TTLL2: variants seen among roughly 807,000 people sequenced by gnomAD.
The protein encoded by TTLL2 is probable tubulin polyglutamylase TTLL2.
Under a neutral mutation model 7.5 loss-of-function variants are expected in TTLL2, and 10 were observed. The observed-to-expected ratio is 1.33, with a 90% CI of 0.82 to 2.25. The LOEUF (loss-of-function observed/expected upper bound fraction) is 2.25, where lower values mean the gene tolerates loss of function less well. Among genes scored for constraint, TTLL2 ranks in the 30% most tolerant of loss-of-function variants. The pLI, the probability that TTLL2 is intolerant of heterozygous loss-of-function variation, is 0.00. For synonymous variants in TTLL2, 284 were observed against 280.3 expected (o/e 1.01, Z -0.13); for missense variants, 733 against 735.7 (o/e 1.00, Z 0.04).
At chr6:167,332,357 C>T (rs1014429497) in intron 1 of TTLL2, among the ~76,000 whole-genome samples, 5 of 152,142 alleles carry the variant, frequency 3.3e-5, no homozygotes, top group Non-Finnish European at 5.9e-5. Flanking sequence ...TGTTTACCCT[C>T]CCGTTAGCTG....
chr6:167,340,378 G>T lies in TTLL2; in HGVS notation c.478G>T (p.Ala160Ser), dbSNP rs1470157650. Residue 160 changes from alanine (A) to serine (S), a missense_variant, in exon 3 of 3, where the codon GCC becomes TCC. Physicochemically the swap from Ala to Ser is moderately conservative, Grantham distance 99. Transcript: ENST00000239587. ...TTKLTRKDCL[A>S]KHLKHMRRMY... Reference sequence around the variant, plus strand: ...CAAGCTTACCAGGAAAGACTGTTTGGCCAAACACCTGAAGCACATGAGGAG... The same window carrying T: ...CAAGCTTACCAGGAAAGACTGTTTGTCCAAACACCTGAAGCACATGAGGAG... 7 of 1,614,038 alleles carry T rather than the reference G, an allele frequency of 4.3e-6. No individual in the cohort carries two copies. In the Admixed American group the frequency reaches 8.3e-5, roughly 19 times the overall value.
rs769573091 is a variant in TTLL2, at chr6:167,341,128, G to T, written c.1228G>T (p.Asp410Tyr). 1.2e-5 allele frequency: 20 copies of T among 1,613,820 alleles called. No homozygotes were observed. The highest frequency in any genetic ancestry group is 1.6e-5 in the Non-Finnish European group (19 of 1,179,892). Residue 410 changes from aspartate (D) to tyrosine (Y), a missense_variant, in exon 3 of 3, where the codon GAT becomes TAT. Transcript: ENST00000239587. ...DVLVKRKLVH[D>Y]IIDLIYLNGL... ...GTTGGTGAAGAGAAAACTTGTCCAT[G>T]ATATTATTGACCTGATTTACTTAAA... is the stretch of plus-strand genomic sequence containing the variant.
chr6:167,332,360 G>T (rs1222066311), intron 1 of TTLL2, among the ~76,000 whole-genome samples: 1 of 152,090 alleles, frequency 6.6e-6, no homozygotes, highest in African/African-American at 2.4e-5. Context: ...TTACCCTCCC[G>T]TTAGCTGACA....
chr6:167,341,874 TA>T lies in TTLL2; in HGVS notation c.*196del. On this transcript the variant is annotated 3_prime_UTR_variant, in exon 3 of 3. Transcript: ENST00000239587. ...CAATATGTTCAAGTGGTGATTAAACTACATTACATCCCATGTTTATTTGCTC... is the reference window on the plus strand; with the variant it reads ...CAATATGTTCAAGTGGTGATTAAACTCATTACATCCCATGTTTATTTGCTC... 1.7e-6 allele frequency: 1 copy of T among 600,902 alleles called. No individual in the cohort carries two copies. Among genetic ancestry groups the T allele is most frequent in the South Asian group, 2.4e-5 (1 of 41,490 alleles). 37.2% of individuals were successfully genotyped at this position (600,902 alleles called of 1,614,324 possible). A position where few individuals can be genotyped will look rare whatever the true frequency, so the allele number is the denominator to read the frequency against.
intron 1 of TTLL2, among the ~76,000 whole-genome samples, chr6:167,327,622 A>G (rs950882776): frequency 1.3e-5 from 2 of 152,196 alleles, no homozygotes; most frequent in Non-Finnish European, 2.9e-5. Context: ...CCAAGATGGC[A>G]TATAGGTTTT....
At chr6:167,330,254 T>G (rs60787474) in intron 1 of TTLL2, among the ~76,000 whole-genome samples, 13,304 of 152,182 alleles carry the variant, frequency 0.087, 1,551 homozygotes, top group African/African-American at 0.26. Flanking sequence ...TTTTTCAATG[T>G]TTGAAATAAA....
At position 167,340,157 on chromosome 6, in the gene TTLL2, C is replaced by T. The variant is rs1331266451; in HGVS notation, c.257C>T (p.Pro86Leu). The T allele has an allele frequency of 1.3e-5, 21 of 1,606,442 alleles. No individual in the cohort carries two copies. Among genetic ancestry groups the T allele is most frequent in the East Asian group, 1.1e-4 (5 of 44,870 alleles). Residue 86 changes from proline (P) to leucine (L), a missense_variant, in exon 3 of 3, where the codon CCG becomes CTG. Pro to Leu is a moderately conservative substitution (Grantham distance 98, BLOSUM62 -3). Coordinates refer to ENST00000239587, the MANE Select transcript of TTLL2 (RefSeq NM_031949.5). ...EDEPSGALLK[P>L]LVFRVDETTP... ...GAACCTTCAGGGGCCCTCTTGAAGC[C>T]GCTGGTTTTTCGCGTTGACGAGACC...
chr6:167,339,904 C>T (rs868409948), intron 2 of TTLL2, among the ~76,000 whole-genome samples: 2 of 152,016 alleles, frequency 1.3e-5, no homozygotes, highest in South Asian at 2.1e-4. Context: ...AAGGGGTTCC[C>T]AGGACAAGAT....
intron 1 of TTLL2, among the ~76,000 whole-genome samples, chr6:167,325,735 A>G (rs141819576): frequency 6.6e-6 from 1 of 152,204 alleles, no homozygotes; most frequent in African/African-American, 2.4e-5. Flanking sequence ...GTGAAGTGGT[A>G]TGGACCCCAC....
chr6:167,327,307 C>T (rs1418908993), intron 1 of TTLL2, among the ~76,000 whole-genome samples: 2 of 152,180 alleles, frequency 1.3e-5, no homozygotes, highest in Non-Finnish European at 2.9e-5. Context: ...GATGAGTTAT[C>T]ATCTTACATT....
intron 2 of TTLL2, among the ~76,000 whole-genome samples, chr6:167,339,713 TA>T (rs1779043831): frequency 2.0e-5 from 3 of 152,204 alleles, no homozygotes; most frequent in Admixed American, 1.3e-4. Flanking sequence ...TTCATTTAAC[TA>T]AATGAAAGTT....
intron 1 of TTLL2, chr6:167,328,486 G>A (rs138974936): frequency 4.7e-6 from 1 of 214,974 alleles, no homozygotes; most frequent in East Asian, 9.7e-5. Flanking sequence ...ATGCCCTGAT[G>A]ACATTGACTG....
Position 167,325,098 on chromosome 6 carries a change from A to G in TTLL2, c.-76A>G. On this transcript the variant is annotated 5_prime_UTR_variant, in exon 1 of 3. Transcript: ENST00000239587. Reference sequence around the variant, plus strand: ...ATCATCAGCAACCAGTGCTCCCTCCAGCCTCCGCGCATTTCAGCTGGCGCT... The same window carrying G: ...ATCATCAGCAACCAGTGCTCCCTCCGGCCTCCGCGCATTTCAGCTGGCGCT... 1 of 1,489,922 alleles carries G rather than the reference A, an allele frequency of 6.7e-7. No homozygotes were observed. Among genetic ancestry groups the G allele is most frequent in the Non-Finnish European group, 9.1e-7 (1 of 1,098,886 alleles). 92.3% of individuals were successfully genotyped at this position (1,489,922 alleles called of 1,614,324 possible).
At chr6:167,338,941 T>C in intron 2 of TTLL2, 138 bp downstream of exon 2, 1 of 851,396 alleles carries the variant, frequency 1.2e-6, no homozygotes, top group Non-Finnish European at 1.7e-6. Flanking sequence ...CTTCCTTCCC[T>C]TCCTCCTTCC....
Position 167,341,557 on chromosome 6 carries a change from G to C in TTLL2, c.1657G>C (p.Ala553Pro), listed in dbSNP as rs1375888921. The C allele has an allele frequency of 6.2e-7, 1 of 1,614,154 alleles. No homozygotes were observed. Among genetic ancestry groups the C allele is most frequent in the East Asian group, 2.2e-5 (1 of 44,874 alleles). The change falls in exon 3 of 3, where the codon GCA becomes CCA. Residue 553 changes from alanine (A) to proline (P), a missense_variant. Transcript: ENST00000239587. ...SDRGKAPDPQAGNFVLVFPFN... is the reference protein window; with the variant it reads ...SDRGKAPDPQPGNFVLVFPFN... Reference sequence around the variant, plus strand: ...CCGTGGCAAAGCTCCAGATCCCCAAGCAGGCAACTTTGTTCTTGTTTTTCC... The same window carrying C: ...CCGTGGCAAAGCTCCAGATCCCCAACCAGGCAACTTTGTTCTTGTTTTTCC...
chr6:167,337,636 C>T (rs555490210), intron 1 of TTLL2, among the ~76,000 whole-genome samples: 2 of 152,272 alleles, frequency 1.3e-5, no homozygotes, highest in South Asian at 4.1e-4. Flanking sequence ...GGCGACTGAG[C>T]TTCCACAAGA....
chr6:167,338,467 A>G (rs1354110663), intron 1 of TTLL2, among the ~76,000 whole-genome samples, 180 bp from the exon 2 acceptor site: 9 of 147,952 alleles, frequency 6.1e-5, no homozygotes, highest in African/African-American at 1.8e-4. Flanking sequence ...ACACACACAC[A>G]CACACACACA....
chr6:167,326,315 A>G (rs1778847672), intron 1 of TTLL2, among the ~76,000 whole-genome samples: 1 of 152,180 alleles, frequency 6.6e-6, no homozygotes, highest in Non-Finnish European at 1.5e-5. Context: ...TTCAAGCAAT[A>G]CAAATTTTTA....
intron 1 of TTLL2, among the ~76,000 whole-genome samples, chr6:167,338,395 TAC>T (rs1779020238): frequency 6.7e-6 from 1 of 149,838 alleles, no homozygotes; most frequent in African/African-American, 2.5e-5. Flanking sequence ...TGACACACAA[TAC>T]ACACAACATG....
Sources: allele counts gnomAD v4.1 joint callset (sites outside exome capture counted in the v4.1 genomes callset), GRCh38; gene constraint gnomAD v4.1.1; transcripts MANE v1.5; gene names NCBI Gene and HGNC (gene_info 2026-07-23, HGNC 2026-07-21).